LRRC75A: variants seen among roughly 807,000 people sequenced by gnomAD.
LRRC75A encodes the protein leucine rich repeat containing 75A.
A neutral mutation model predicts 26.0 loss-of-function variants in LRRC75A; 12 were observed. The ratio of observed to expected loss-of-function variants is 0.46; its 90% confidence interval spans 0.30 to 0.75. The LOEUF (loss-of-function observed/expected upper bound fraction) is 0.75, where lower values mean the gene tolerates loss of function less well. Ranked by LOEUF, LRRC75A falls within the 30% of genes least tolerant of loss-of-function variation. The probability of loss-of-function intolerance (pLI) is 0.08; values close to 1 mark genes in which losing one functional copy is unlikely to be tolerated. For synonymous variants in LRRC75A, 223 were observed against 219.3 expected (o/e 1.02, Z -0.15); for missense variants, 410 against 486.6 (o/e 0.84, Z 1.48).
At chr17:16,473,159 G>C (rs1192886913) in intron 1 of LRRC75A, among the ~76,000 whole-genome samples, 1 of 151,840 alleles carries the variant, frequency 6.6e-6, no homozygotes. Flanking sequence ...GTGCGCGCGC[G>C]CCCCAAGAAT....
chr17:16,472,114 C>T (rs141072956), intron 1 of LRRC75A, among the ~76,000 whole-genome samples: 1 of 152,158 alleles, frequency 6.6e-6, no homozygotes, highest in African/African-American at 2.4e-5. Context: ...CTCACTGTCA[C>T]TGGAAGGATA....
chr17:16,446,781 A>G (rs1233170436), intron 3 of LRRC75A: 1 of 223,664 alleles, frequency 4.5e-6, no homozygotes, highest in Non-Finnish European at 9.4e-6. Context: ...GTCTCATGGC[A>G]TTCCAGGTTC....
chr17:16,470,850 A>T (rs1240148269), intron 1 of LRRC75A, among the ~76,000 whole-genome samples: 1 of 152,192 alleles, frequency 6.6e-6, no homozygotes, highest in East Asian at 1.9e-4. Context: ...GGAGACCAGA[A>T]ATCTGAAATC....
chr17:16,490,337 G>C (rs561571302), intron 1 of LRRC75A, among the ~76,000 whole-genome samples: 17 of 152,240 alleles, frequency 1.1e-4, no homozygotes, highest in Non-Finnish European at 5.9e-5. Flanking sequence ...TACTATAAAG[G>C]CCATATGTCA....
chr17:16,456,133 GGAGGAGGAA>G (rs1161498692), intron 2 of LRRC75A, among the ~76,000 whole-genome samples: 1 of 148,788 alleles, frequency 6.7e-6, no homozygotes. Flanking sequence ...AGTAGTAGGA[GGAGGAGGAA>G]GAGGAGGGAG....
rs1398155318 is a variant in LRRC75A, at chr17:16,462,142, GGCTTGTCCTCCTTGGGCCTGTCT to G, written c.375+93_375+115del. The G allele has an allele frequency of 4.1e-5, 55 of 1,330,498 alleles. No individual in the cohort carries two copies. The highest frequency in any genetic ancestry group is 5.1e-5 in the Non-Finnish European group (50 of 971,968). 82.4% of individuals were successfully genotyped at this position (1,330,498 alleles called of 1,614,324 possible). On this transcript the variant is annotated intron_variant, in intron 2 of 3. Transcript: ENST00000470794. This position sits in a 1 kb window ranked among gnomAD's most constrained non-coding sequence, Gnocchi z 4.6. ...TCAAGCTCTTGGTGCCTGGAGGACGGGCTTGTCCTCCTTGGGCCTGTCTGCCAGTCCTCCTTGGGCATACAGCT... is the reference window on the plus strand; with the variant it reads ...TCAAGCTCTTGGTGCCTGGAGGACGGGCCAGTCCTCCTTGGGCATACAGCT...
chr17:16,443,945 G>T lies in LRRC75A; in HGVS notation c.678C>A (p.Leu226=). 3 of 1,613,302 alleles carry T rather than the reference G, an allele frequency of 1.9e-6. No individual in the cohort carries two copies. The highest frequency in any genetic ancestry group is 2.5e-6 in the Non-Finnish European group (3 of 1,179,982). ...GTGTGGTGAGGCGGGGCAGGGTGCTGAGTGCTGGCAGCAGCTGCAGGACCA... is the reference window on the plus strand; with the variant it reads ...GTGTGGTGAGGCGGGGCAGGGTGCTTAGTGCTGGCAGCAGCTGCAGGACCA... ...DDMVLQLLPA[L]STLPRLTTLA... is the part of the protein sequence containing the mutation. The change falls in exon 4 of 4, where the codon CTC becomes CTA. Residue 226 remains leucine, a synonymous_variant. Coordinates refer to ENST00000470794, the MANE Select transcript of LRRC75A (RefSeq NM_001113567.3).
intron 1 of LRRC75A, among the ~76,000 whole-genome samples, chr17:16,486,752 G>A (rs1269802554): frequency 2.0e-5 from 3 of 152,142 alleles, no homozygotes; most frequent in Non-Finnish European, 4.4e-5. Flanking sequence ...AGGCTGCCAG[G>A]AACAGCCAAG....
Position 16,443,460 on chromosome 17 carries a change from G to A in LRRC75A, c.*128C>T, listed in dbSNP as rs1366650615. On this transcript the variant is annotated 3_prime_UTR_variant, in exon 4 of 4. Coordinates refer to ENST00000470794, the MANE Select transcript of LRRC75A (RefSeq NM_001113567.3). ...CCCAGATGATATGGTTTGCCTTTCT[G>A]TAGGTGGGTGGCCCAGGCCAATTTT... 3 of 794,990 alleles carry A rather than the reference G, an allele frequency of 3.8e-6. No individual in the cohort carries two copies. The highest frequency in any genetic ancestry group is 5.7e-6 in the Non-Finnish European group (3 of 522,060). The allele number at this position is 794,990 out of a possible 1,614,324, so 49.2% of individuals were successfully genotyped here.
At chr17:16,457,041 G>A (rs185742735) in intron 2 of LRRC75A, among the ~76,000 whole-genome samples, 1 of 152,286 alleles carries the variant, frequency 6.6e-6, no homozygotes, top group Admixed American at 6.5e-5. Flanking sequence ...TGTCAGGAAA[G>A]ATGACGTGCT....
chr17:16,441,600 G>A lies in LRRC75A; in HGVS notation c.*1988C>T, dbSNP rs1256208442. The A allele has an allele frequency of 3.7e-5, 13 of 347,860 alleles. No individual in the cohort carries two copies. Among genetic ancestry groups the A allele is most frequent in the Non-Finnish European group, 7.2e-5 (13 of 179,884 alleles). 21.5% of individuals were successfully genotyped at this position (347,860 alleles called of 1,614,324 possible). On this transcript the variant is annotated 3_prime_UTR_variant, in exon 4 of 4. Coordinates refer to ENST00000470794, the MANE Select transcript of LRRC75A (RefSeq NM_001113567.3). ...GGTTTTTTTTTTTTTTTTTGAGACA[G>A]TCTTGCTGTATTGCCCAGGCTGGAG... is the stretch of plus-strand genomic sequence containing the variant.
chr17:16,448,026 T>G, intron 2 of LRRC75A, 66 bp from the exon 3 acceptor site: 1 of 1,404,120 alleles, frequency 7.1e-7, no homozygotes, highest in Non-Finnish European at 9.8e-7. Context: ...GCCCCCAGGC[T>G]TCCTGTCTCC....
rs950369308 is a variant in LRRC75A at position 16,491,686 on chromosome 17, C to A, written c.246+59G>T. 5 of 1,207,722 alleles carry A rather than the reference C, an allele frequency of 4.1e-6. No homozygotes were observed. The highest frequency in any genetic ancestry group is 3.5e-5 in the East Asian group (1 of 28,606). The allele number at this position is 1,207,722 out of a possible 1,614,324, so 74.8% of individuals were successfully genotyped here. A position where few individuals can be genotyped will look rare whatever the true frequency, so the allele number is the denominator to read the frequency against. ...TCCTCGGTTAGGGATGGGGCGCCCCCCCCGGCCCAGCACGCCCCCTGGCCC... is the reference window on the plus strand; with the variant it reads ...TCCTCGGTTAGGGATGGGGCGCCCCACCCGGCCCAGCACGCCCCCTGGCCC... On this transcript the variant is annotated intron_variant, in intron 1 of 3. Transcript: ENST00000470794. The surrounding 1 kb of genome is among the most constrained non-coding windows in gnomAD (Gnocchi z 5.9).
intron 1 of LRRC75A, among the ~76,000 whole-genome samples, chr17:16,467,409 G>A (rs985335312): frequency 6.6e-6 from 1 of 152,202 alleles, no homozygotes; most frequent in African/African-American, 2.4e-5. Context: ...GGCATGGAGT[G>A]TACATGATCA....
At position 16,449,533 on chromosome 17, in the gene LRRC75A, G is replaced by A. The variant is rs1445628407; in HGVS notation, c.376-1573C>T. ...CACTCTAAGTGAATACCGTGATAGC[G>A]GCACCAGCACAGAGAATTCTGGCAG... On this transcript the variant is annotated intron_variant, in intron 2 of 3. Transcript: ENST00000470794. 5.9e-5 allele frequency among the ~76,000 whole-genome samples: 9 copies of A among 152,300 alleles called. No homozygotes were observed. The South Asian group carries it at 6.2e-4, about 11-fold the overall frequency.
chr17:16,457,945 G>A (rs748172435), intron 2 of LRRC75A, among the ~76,000 whole-genome samples: 3 of 152,154 alleles, frequency 2.0e-5, no homozygotes, highest in Non-Finnish European at 4.4e-5. Context: ...CTGCACTCCA[G>A]CCTGGGCATC....
At chr17:16,466,415 G>A (rs1280599380) in intron 1 of LRRC75A, among the ~76,000 whole-genome samples, 1 of 152,258 alleles carries the variant, frequency 6.6e-6, no homozygotes, top group Non-Finnish European at 1.5e-5. Context: ...AGATCCAGGT[G>A]TGGTCCCTGC....
At chr17:16,487,587 C>T (rs1201747665) in intron 1 of LRRC75A, among the ~76,000 whole-genome samples, 1 of 152,220 alleles carries the variant, frequency 6.6e-6, no homozygotes, top group Admixed American at 6.5e-5. Flanking sequence ...TACAGGTGCA[C>T]ACTACCACAC....
intron 1 of LRRC75A, among the ~76,000 whole-genome samples, chr17:16,481,786 G>A (rs893788977): frequency 6.6e-6 from 1 of 152,112 alleles, no homozygotes; most frequent in Non-Finnish European, 1.5e-5. Flanking sequence ...GCTCCAGGCT[G>A]ACCATTTACC....
Sources: allele counts gnomAD v4.1 joint callset (sites outside exome capture counted in the v4.1 genomes callset), GRCh38; gene constraint gnomAD v4.1.1; non-coding constraint Gnocchi (gnomAD v3.1); transcripts MANE v1.5; gene names NCBI Gene and HGNC (gene_info 2026-07-23, HGNC 2026-07-21).